Variants in BICC1 observed in about 807,000 individuals in gnomAD.
BICC1 encodes the protein protein bicaudal C homolog 1.
BICC1 carries 43 observed loss-of-function variants against 111.0 expected under a neutral mutation model. The observed-to-expected ratio is 0.39, with a 90% CI of 0.30 to 0.50. The LOEUF is 0.50. BICC1 is among the 20% of genes least tolerant of loss of function. The probability of loss-of-function intolerance (pLI) is 0.88; values close to 1 mark genes in which losing one functional copy is unlikely to be tolerated. For synonymous variants in BICC1, 467 were observed against 434.4 expected (o/e 1.07, Z -0.93); for missense variants, 1,091 against 1,203.2 (o/e 0.91, Z 1.38).
intron 1 of BICC1, among the ~76,000 whole-genome samples, chr10:58,545,419 T>A (rs1212221463): frequency 6.6e-6 from 1 of 152,162 alleles, no homozygotes; most frequent in Non-Finnish European, 1.5e-5. Context: ...GGAAAGTGGA[T>A]CCTACTTTAC....
intron 3 of BICC1, among the ~76,000 whole-genome samples, chr10:58,749,451 T>C (rs910305718): frequency 3.9e-5 from 6 of 152,130 alleles, no homozygotes; most frequent in Non-Finnish European, 5.9e-5. Context: ...CTCCTTTGAG[T>C]CTGAATATAC....
At chr10:58,724,471 C>T (rs1564575850) in intron 3 of BICC1, among the ~76,000 whole-genome samples, 1 of 152,136 alleles carries the variant, frequency 6.6e-6, no homozygotes, top group South Asian at 2.1e-4. Context: ...ATCTGACCCT[C>T]TCCCTGACTG....
intron 3 of BICC1, chr10:58,716,146 G>C: frequency 6.6e-7 from 1 of 1,504,096 alleles, no homozygotes; most frequent in Non-Finnish European, 9.0e-7. Context: ...GTAAGAATCA[G>C]AGTATATTGA....
intron 2 of BICC1, among the ~76,000 whole-genome samples, chr10:58,653,937 T>C (rs1468392056): frequency 6.6e-6 from 1 of 151,008 alleles, no homozygotes; most frequent in Non-Finnish European, 1.5e-5. Flanking sequence ...CGGTGTTTGG[T>C]TTTTTGTTCT....
chr10:58,728,457 C>T (rs931898329), intron 3 of BICC1, among the ~76,000 whole-genome samples: 2 of 152,074 alleles, frequency 1.3e-5, no homozygotes, highest in African/African-American at 4.8e-5. Flanking sequence ...AATTACAGTT[C>T]TCTTGCTGTT....
At chr10:58,692,304 G>A (rs1839933723) in intron 2 of BICC1, among the ~76,000 whole-genome samples, 1 of 152,104 alleles carries the variant, frequency 6.6e-6, no homozygotes, top group Non-Finnish European at 1.5e-5. Flanking sequence ...AGATAAATTA[G>A]CTAAGCCTGC....
At chr10:58,603,464 G>T (rs1042825960) in intron 1 of BICC1, among the ~76,000 whole-genome samples, 9 of 152,012 alleles carry the variant, frequency 5.9e-5, no homozygotes, top group African/African-American at 1.9e-4. Context: ...CTGTGGGTGG[G>T]GCATAAGAAC....
chr10:58,544,045 G>A (rs1178920302), intron 1 of BICC1, among the ~76,000 whole-genome samples: 1 of 152,034 alleles, frequency 6.6e-6, no homozygotes, highest in Non-Finnish European at 1.5e-5. Flanking sequence ...AGCACTTTCT[G>A]TGTTTCACAG....
chr10:58,612,892 G>A (rs971638363), intron 1 of BICC1, among the ~76,000 whole-genome samples: 1 of 152,142 alleles, frequency 6.6e-6, no homozygotes, highest in African/African-American at 2.4e-5. Flanking sequence ...TGTGCCCCAG[G>A]AAGAATTTAA....
At chr10:58,533,855 G>A (rs536718730) in intron 1 of BICC1, among the ~76,000 whole-genome samples, 135 of 151,734 alleles carry the variant, frequency 8.9e-4, no homozygotes, top group Non-Finnish European at 1.2e-3. Flanking sequence ...AGCAAGAGCC[G>A]CAAAGGGGGA....
At chr10:58,754,999 CT>C (rs1842104041) in intron 3 of BICC1, among the ~76,000 whole-genome samples, 1 of 152,042 alleles carries the variant, frequency 6.6e-6, no homozygotes, top group Admixed American at 6.6e-5. Flanking sequence ...TATTGCAGTC[CT>C]TGTATTTTAA....
At chr10:58,825,207 A>G (rs1366784075) in intron 20 of BICC1, among the ~76,000 whole-genome samples, 1 of 152,174 alleles carries the variant, frequency 6.6e-6, no homozygotes, top group Non-Finnish European at 1.5e-5. Flanking sequence ...CTCAAGAAGT[A>G]TAGGGTTCAT....
intron 3 of BICC1, among the ~76,000 whole-genome samples, chr10:58,736,866 G>C (rs970356140): frequency 2.0e-5 from 3 of 152,058 alleles, no homozygotes; most frequent in African/African-American, 7.2e-5. Context: ...ATTATTTGTC[G>C]TATTCAGCCA....
intron 1 of BICC1, among the ~76,000 whole-genome samples, chr10:58,599,490 C>A (rs58548609): frequency 3.9e-5 from 6 of 152,062 alleles, no homozygotes; most frequent in Non-Finnish European, 8.8e-5. Context: ...TCACACACTG[C>A]GGCTTGTCAG....
chr10:58,826,188 C>G (rs905460519), intron 20 of BICC1, among the ~76,000 whole-genome samples: 3 of 152,020 alleles, frequency 2.0e-5, no homozygotes, highest in Non-Finnish European at 4.4e-5. Flanking sequence ...CATTATATGA[C>G]AACTTAAAGC....
At chr10:58,601,170 A>ATATATATATATATC in intron 1 of BICC1, among the ~76,000 whole-genome samples, 1 of 136,434 alleles carries the variant, frequency 7.3e-6, no homozygotes, top group Admixed American at 7.4e-5. Context: ...ATATATATAT[A>ATATATATATATATC]TCTCCCAATA....
chr10:58,787,079 C>A lies in BICC1; in HGVS notation c.544C>A (p.Gln182Lys). 6.4e-7 allele frequency: 1 copy of A among 1,574,324 alleles called. No homozygotes were observed. Among genetic ancestry groups the A allele is most frequent in the Non-Finnish European group, 8.6e-7 (1 of 1,165,588 alleles). Residue 182 changes from glutamine to lysine, a missense_variant and splice_region_variant, in exon 5 of 21, where the codon CAG (glutamine) becomes AAG (lysine). Transcript: ENST00000373886. ...NRNNQAEKSNQVSIAGQPAGV... is the reference protein window; with the variant it reads ...NRNNQAEKSNKVSIAGQPAGV... ...GAATAACCAAGCAGAAAAAAGCAACCAGGTGGTTTGTCTTTTCACATGAAC... is the reference window on the plus strand; with the variant it reads ...GAATAACCAAGCAGAAAAAAGCAACAAGGTGGTTTGTCTTTTCACATGAAC...
At chr10:58,739,999 G>A (rs1023711595) in intron 3 of BICC1, among the ~76,000 whole-genome samples, 1 of 152,106 alleles carries the variant, frequency 6.6e-6, no homozygotes, top group Admixed American at 6.6e-5. Context: ...TGACCTTGTG[G>A]GTCAGATTGT....
chr10:58,630,849 T>C (rs894356455), intron 2 of BICC1, among the ~76,000 whole-genome samples: 2 of 152,190 alleles, frequency 1.3e-5, no homozygotes, highest in Admixed American at 6.5e-5. Flanking sequence ...CAGTGCTCTT[T>C]ATATAAAAGG....
Sources: gnomAD v4.1 joint callset for allele counts (sites outside exome capture counted in the v4.1 genomes callset) on GRCh38, gnomAD v4.1.1 for gene constraint, MANE v1.5 for transcripts, NCBI Gene and HGNC (gene_info 2026-07-23, HGNC 2026-07-21) for gene names.